The following CCDC91 variants were observed in gnomAD, a reference collection of about 807,000 sequenced individuals.
CCDC91 encodes coiled-coil domain-containing protein 91.
Under a neutral mutation model 63.2 loss-of-function variants are expected in CCDC91, and 48 were observed. The observed-to-expected ratio is 0.76, with a 90% CI of 0.60 to 0.97. CCDC91 has a LOEUF of 0.97. CCDC91 is among the 50% of genes least tolerant of loss of function. CCDC91 has a pLI of 0.00. For missense variants in CCDC91, 500 were observed against 494.6 expected, an observed-to-expected ratio of 1.01 and a Z score of -0.10; for synonymous variants, 167 against 165.8, an observed-to-expected ratio of 1.01 and a Z score of -0.06.
intron 8 of CCDC91, among the ~76,000 whole-genome samples, chr12:28,434,978 T>A (rs1035243321): frequency 6.6e-6 from 1 of 151,740 alleles, no homozygotes; most frequent in African/African-American, 2.4e-5. Flanking sequence ...TGCAATGATA[T>A]CCTCTCTTTT....
intron 1 of CCDC91, among the ~76,000 whole-genome samples, chr12:28,200,258 G>T (rs1942117050): frequency 2.0e-5 from 3 of 148,508 alleles, no homozygotes; most frequent in African/African-American, 2.5e-5. Context: ...TTTTTTGAGT[G>T]GTAGCTTTTC....
At chr12:28,228,745 C>A (rs907720816) in intron 1 of CCDC91, among the ~76,000 whole-genome samples, 4 of 152,064 alleles carry the variant, frequency 2.6e-5, no homozygotes, top group Non-Finnish European at 5.9e-5. Context: ...TTTCAGAAGT[C>A]TCTTGGTTGG....
chr12:28,389,052 C>T (rs1945779649), intron 7 of CCDC91, among the ~76,000 whole-genome samples: 1 of 152,124 alleles, frequency 6.6e-6, no homozygotes, highest in Non-Finnish European at 1.5e-5. Context: ...GAACAGTCAG[C>T]AGAGTAAACA....
intron 7 of CCDC91, among the ~76,000 whole-genome samples, chr12:28,379,166 G>A (rs4420309): frequency 0.89 from 134,886 of 151,956 alleles, 61,538 homozygotes; most frequent in East Asian, 1. Flanking sequence ...AAAGATAAAA[G>A]ACCTTAAGAT....
intron 11 of CCDC91, among the ~76,000 whole-genome samples, chr12:28,453,520 T>G (rs1047621325): frequency 3.9e-5 from 6 of 152,048 alleles, no homozygotes; most frequent in Non-Finnish European, 5.9e-5. Flanking sequence ...AAGATAAAAG[T>G]TATATTTTTA....
chr12:28,307,497 C>A, intron 5 of CCDC91, 148 bp from the exon 6 acceptor site: 1 of 534,878 alleles, frequency 1.9e-6, no homozygotes, highest in South Asian at 2.7e-5. Flanking sequence ...TAGAGTGAAG[C>A]ATATAATTTA....
At chr12:28,341,472 A>G (rs1463121358) in intron 6 of CCDC91, among the ~76,000 whole-genome samples, 4 of 152,112 alleles carry the variant, frequency 2.6e-5, no homozygotes, top group Non-Finnish European at 4.4e-5. Flanking sequence ...CATTAAACTC[A>G]CCAGAATAAT....
intron 3 of CCDC91, among the ~76,000 whole-genome samples, chr12:28,271,516 A>G (rs954102768): frequency 3.3e-5 from 5 of 152,014 alleles, no homozygotes; most frequent in African/African-American, 7.2e-5. Context: ...AATTTTTTAA[A>G]AAGTATTTCG....
intron 6 of CCDC91, among the ~76,000 whole-genome samples, chr12:28,355,109 A>G (rs1323303208): frequency 7.0e-6 from 1 of 143,354 alleles, no homozygotes; most frequent in Non-Finnish European, 1.5e-5. Context: ...TCTGCCTTCT[A>G]TTTTTTTTTC....
At chr12:28,401,214 GT>G (rs1946601641) in intron 8 of CCDC91, among the ~76,000 whole-genome samples, 1 of 152,140 alleles carries the variant, frequency 6.6e-6, no homozygotes, top group East Asian at 1.9e-4. Flanking sequence ...TTGACTCACA[GT>G]TCAGCACGAT....
intron 1 of CCDC91, among the ~76,000 whole-genome samples, chr12:28,239,245 A>T (rs1664995846): frequency 6.6e-6 from 1 of 152,108 alleles, no homozygotes; most frequent in Non-Finnish European, 1.5e-5. Flanking sequence ...TATATAGTAG[A>T]TGGTTAACTT....
intron 8 of CCDC91, among the ~76,000 whole-genome samples, chr12:28,439,443 C>A (rs957207849): frequency 3.3e-5 from 5 of 152,108 alleles, no homozygotes; most frequent in Admixed American, 3.3e-4. Flanking sequence ...CTTACCAGAT[C>A]ACTTGATCTT....
intron 3 of CCDC91, among the ~76,000 whole-genome samples, chr12:28,276,774 A>G (rs1440867398): frequency 1.3e-5 from 2 of 151,916 alleles, no homozygotes; most frequent in African/African-American, 4.8e-5. Flanking sequence ...GCCCATTGTG[A>G]ATATTAGTTA....
intron 6 of CCDC91, among the ~76,000 whole-genome samples, chr12:28,358,767 T>G (rs1943681749): frequency 1.3e-5 from 2 of 152,216 alleles, no homozygotes. Context: ...GTCTCTCTAG[T>G]AAGATAATTT....
At chr12:28,480,993 A>C (rs1165757127) in intron 11 of CCDC91, among the ~76,000 whole-genome samples, 1 of 152,028 alleles carries the variant, frequency 6.6e-6, no homozygotes, top group East Asian at 1.9e-4. Flanking sequence ...TATGTAAAAT[A>C]TCATATAAGT....
rs1490121134 is a variant in CCDC91, at chr12:28,513,948, A to G, written c.1215+29783A>G. Among the ~76,000 whole-genome samples the G allele has an allele frequency of 6.6e-5, 10 of 151,934 alleles. No homozygotes were observed. The East Asian group carries it at 2.0e-3, about 30-fold the overall frequency. On this transcript the variant is annotated intron_variant, in intron 12 of 12. Coordinates refer to ENST00000536442, the MANE Select transcript of CCDC91 (RefSeq NM_018318.5). ...ATGCATGCATGTGTCTTTATGATAG[A>G]ATGATTCATTTTCCTTTGAGTGTAT...
chr12:28,479,648 G>T (rs1235133933), intron 11 of CCDC91, among the ~76,000 whole-genome samples: 1 of 151,800 alleles, frequency 6.6e-6, no homozygotes, highest in Non-Finnish European at 1.5e-5. Context: ...AAACTGTTCT[G>T]TTTGTATGTT....
Position 28,306,786 on chromosome 12 carries a change from A to T in CCDC91, c.312A>T (p.Pro104=). The T allele has an allele frequency of 6.2e-7, 1 of 1,611,202 alleles. No homozygotes were observed. Among genetic ancestry groups the T allele is most frequent in the Non-Finnish European group, 8.5e-7 (1 of 1,178,508 alleles). The part of the protein sequence containing the change: ...THTHLDISLF[P]LGLTDEKSNG... ...CTCATCTGGATATCTCACTTTTTCC[A>T]TTGGGTTTAACTGATGAAAAAAGTA... Residue 104 remains proline, a synonymous_variant, in exon 5 of 13, where the codon CCA becomes CCT. Transcript: ENST00000536442.
At chr12:28,327,318 T>C (rs997596909) in intron 6 of CCDC91, among the ~76,000 whole-genome samples, 3 of 152,142 alleles carry the variant, frequency 2.0e-5, no homozygotes, top group East Asian at 3.9e-4. Context: ...GCTGTGCCAA[T>C]AGGAAAAGGC....
Sources: gnomAD v4.1 joint callset for allele counts (sites outside exome capture counted in the v4.1 genomes callset) on GRCh38, gnomAD v4.1.1 for gene constraint, MANE v1.5 for transcripts, NCBI Gene and HGNC (gene_info 2026-07-23, HGNC 2026-07-21) for gene names.